Variants in SYNRG observed in about 807,000 individuals in gnomAD.
The protein encoded by SYNRG is AP1 gamma subunit binding protein 1.
Under a neutral mutation model 130.9 loss-of-function variants are expected in SYNRG, and 37 were observed. The observed-to-expected ratio is 0.28, with a 90% CI of 0.22 to 0.37. The LOEUF (loss-of-function observed/expected upper bound fraction) is 0.37, where lower values mean the gene tolerates loss of function less well. Among genes scored for constraint, SYNRG ranks in the 10% least tolerant of loss-of-function variants. The pLI, the probability that SYNRG is intolerant of heterozygous loss-of-function variation, is 1.00. For synonymous variants in SYNRG, 539 were observed against 568.1 expected (o/e 0.95, Z 0.73); for missense variants, 1,338 against 1,588.9 (o/e 0.84, Z 2.68).
intron 19 of SYNRG, among the ~76,000 whole-genome samples, chr17:37,523,582 A>T (rs1352696524): frequency 6.6e-6 from 1 of 152,242 alleles, no homozygotes; most frequent in African/African-American, 2.4e-5. Flanking sequence ...ACAGAATGGA[A>T]TCTCAGGTGG....
At chr17:37,592,363 G>C (rs1221175786) in intron 3 of SYNRG, among the ~76,000 whole-genome samples, 1 of 152,130 alleles carries the variant, frequency 6.6e-6, no homozygotes, top group East Asian at 1.9e-4. Flanking sequence ...AAATAGTACA[G>C]CTACTCTGGA....
chr17:37,603,608 T>C (rs2063485965), intron 1 of SYNRG, among the ~76,000 whole-genome samples: 1 of 152,218 alleles, frequency 6.6e-6, no homozygotes. Context: ...ATCAGAGCTC[T>C]TGGGTGACCA....
intron 10 of SYNRG, among the ~76,000 whole-genome samples, chr17:37,569,654 C>CA (rs528592907): frequency 0.34 from 17,643 of 52,298 alleles, 1,462 homozygotes; most frequent in Middle Eastern, 0.43. Context: ...GACTCTGTCT[C>CA]AAAAAAAAAA....
intron 14 of SYNRG, among the ~76,000 whole-genome samples, chr17:37,549,131 CAAAAAAAAAAA>C (rs902288633): frequency 1.9e-5 from 1 of 52,448 alleles, no homozygotes; most frequent in African/African-American, 6.9e-5. Flanking sequence ...AACCTGGTCT[CAAAAAAAAAAA>C]AAAAAAAAGT....
chr17:37,520,723 AC>A, intron 19 of SYNRG, 75 bp from the exon 20 acceptor site: 5 of 1,256,966 alleles, frequency 4.0e-6, no homozygotes, highest in South Asian at 3.7e-5. Context: ...CTCATCACTC[AC>A]CCCCAGCAGG....
chr17:37,521,019 G>C (rs1421382103), intron 19 of SYNRG, among the ~76,000 whole-genome samples: 1 of 142,608 alleles, frequency 7.0e-6, no homozygotes, highest in Non-Finnish European at 1.5e-5. Flanking sequence ...CTGCGTCCTA[G>C]AACTTTTTCT....
intron 19 of SYNRG, among the ~76,000 whole-genome samples, chr17:37,530,089 C>G (rs1448604753): frequency 1.3e-5 from 2 of 152,102 alleles, no homozygotes; most frequent in African/African-American, 4.8e-5. Flanking sequence ...GGTGTTTGAA[C>G]TCATTAACCT....
intron 1 of SYNRG, among the ~76,000 whole-genome samples, chr17:37,604,940 T>TA (rs1405340646): frequency 6.6e-6 from 1 of 152,228 alleles, no homozygotes. Context: ...TTTGCTGTCT[T>TA]ATACGAGCTG....
chr17:37,606,583 C>T (rs1339265191), intron 1 of SYNRG, among the ~76,000 whole-genome samples: 1 of 151,994 alleles, frequency 6.6e-6, no homozygotes, highest in African/African-American at 2.4e-5. Flanking sequence ...GTACCTTACC[C>T]ATGTAAGCAT....
Position 37,536,049 on chromosome 17 carries a change from TG to T in SYNRG, c.3595del (p.Gln1199SerfsTer4). ...KATAVCSEKL[Q>X]QLLKDIDKVW... Reference sequence around the variant, plus strand: ...TTTATCGATGTCCTTCAGCAACTGCTGGAGTTTCTCACTGCACACTGCAGTG... The same window carrying T: ...TTTATCGATGTCCTTCAGCAACTGCTGAGTTTCTCACTGCACACTGCAGTG... On this transcript the variant is annotated frameshift_variant, in exon 19 of 22. Transcript: ENST00000612223. LOFTEE classifies it high-confidence loss of function. The T allele has an allele frequency of 6.2e-7, 1 of 1,614,186 alleles. No individual in the cohort carries two copies. The highest frequency in any genetic ancestry group is 8.5e-7 in the Non-Finnish European group (1 of 1,180,048).
At chr17:37,604,460 C>G (rs1162402795) in intron 1 of SYNRG, among the ~76,000 whole-genome samples, 1 of 152,168 alleles carries the variant, frequency 6.6e-6, no homozygotes, top group African/African-American at 2.4e-5. Flanking sequence ...CAGCCTTCAG[C>G]CTTTACAGAA....
chr17:37,575,670 G>A (rs771681950), intron 8 of SYNRG, among the ~76,000 whole-genome samples: 14 of 151,244 alleles, frequency 9.3e-5, no homozygotes, highest in Non-Finnish European at 1.5e-4. Flanking sequence ...ACGAGACCCC[G>A]TCTCTACAAA....
intron 3 of SYNRG, among the ~76,000 whole-genome samples, chr17:37,594,537 A>G (rs2062584387): frequency 6.9e-6 from 1 of 145,346 alleles, no homozygotes; most frequent in Non-Finnish European, 1.5e-5. Flanking sequence ...ATCTCAGCTC[A>G]CTGCAACCTC....
rs949506400 is a variant in SYNRG at position 37,518,105 on chromosome 17, T to G, written c.*835A>C. The G allele has an allele frequency of 2.6e-5, 4 of 152,246 alleles. No individual in the cohort carries two copies. The highest frequency in any genetic ancestry group is 9.6e-5 in the African/African-American group (4 of 41,468). 9.4% of individuals were successfully genotyped at this position (152,246 alleles called of 1,614,324 possible). ...CCCTATGCAGTCATCTTTGGAAATT[T>G]GGAGAGAGGCCACTGCAAAGAGATT... On this transcript the variant is annotated 3_prime_UTR_variant, in exon 22 of 22. Coordinates refer to ENST00000612223, the MANE Select transcript of SYNRG (RefSeq NM_007247.6).
chr17:37,536,090 C>T lies in SYNRG; in HGVS notation c.3555G>A (p.Glu1185=). The T allele has an allele frequency of 6.2e-7, 1 of 1,614,014 alleles. No individual in the cohort carries two copies. The highest frequency in any genetic ancestry group is 8.5e-7 in the Non-Finnish European group (1 of 1,179,984). Residue 1185 remains glutamate, a synonymous_variant, in exon 19 of 22, where the codon GAG becomes GAA. Transcript: ENST00000612223. ...ACACTGCAGTGGCTTTTATCCCCAG[C>T]TCCACACGCTTGGTTACCCTGTACA... The part of the protein sequence containing the change: ...VEVYRVTKRV[E]LGIKATAVCS...
At chr17:37,606,973 T>C (rs1181216926) in intron 1 of SYNRG, among the ~76,000 whole-genome samples, 1 of 152,100 alleles carries the variant, frequency 6.6e-6, no homozygotes, top group Non-Finnish European at 1.5e-5. Context: ...AAAAGAAAAT[T>C]AAAAAGGAAA....
chr17:37,536,933 G>A (rs1172633282), intron 18 of SYNRG: 2 of 152,282 alleles, frequency 1.3e-5, no homozygotes, highest in Non-Finnish European at 2.9e-5. Context: ...GATCTTCAGA[G>A]CGGGGCCTCA....
intron 3 of SYNRG, among the ~76,000 whole-genome samples, chr17:37,594,284 A>C (rs1210055559): frequency 6.8e-6 from 1 of 146,922 alleles, no homozygotes; most frequent in African/African-American, 2.5e-5. Flanking sequence ...ATTAATTTTA[A>C]TTATATTAAT....
chr17:37,544,466 C>T (rs2058084204), intron 14 of SYNRG, among the ~76,000 whole-genome samples: 1 of 152,114 alleles, frequency 6.6e-6, no homozygotes, highest in Admixed American at 6.5e-5. Context: ...AGGCAGCCGC[C>T]ACCACGCCTG....
Sources: allele counts gnomAD v4.1 joint callset (sites outside exome capture counted in the v4.1 genomes callset), GRCh38; gene constraint gnomAD v4.1.1; transcripts MANE v1.5; gene names NCBI Gene and HGNC (gene_info 2026-07-23, HGNC 2026-07-21).